The following HEPHL1 variants were observed in gnomAD, a reference collection of about 807,000 sequenced individuals.
The protein encoded by HEPHL1 is hephaestin like 1.
A neutral mutation model predicts 122.0 loss-of-function variants in HEPHL1; 123 were observed. That is an observed-to-expected ratio of 1.01 (90% confidence interval 0.87 to 1.17). The LOEUF (loss-of-function observed/expected upper bound fraction) is 1.17, where lower values mean the gene tolerates loss of function less well. Ranked by LOEUF, HEPHL1 falls within the 50% of genes most tolerant of loss-of-function variation. HEPHL1 has a pLI of 0.00. For synonymous variants in HEPHL1, 527 were observed against 508.9 expected (o/e 1.04, Z -0.48); for missense variants, 1,452 against 1,430.5 (o/e 1.01, Z -0.24).
chr11:94,035,602 T>C (rs1319498181), intron 1 of HEPHL1, among the ~76,000 whole-genome samples: 1 of 152,206 alleles, frequency 6.6e-6, no homozygotes, highest in East Asian at 1.9e-4. Context: ...CATTAACTCG[T>C]CATTTACATT....
At chr11:94,027,558 A>C (rs1945636825) in intron 1 of HEPHL1, among the ~76,000 whole-genome samples, 1 of 152,178 alleles carries the variant, frequency 6.6e-6, no homozygotes, top group African/African-American at 2.4e-5. Context: ...CCACTCTCCC[A>C]GTTGCTGTGT....
chr11:94,083,025 T>C (rs1044969968), intron 10 of HEPHL1, among the ~76,000 whole-genome samples: 2 of 151,400 alleles, frequency 1.3e-5, no homozygotes, highest in Non-Finnish European at 2.9e-5. Flanking sequence ...GAGGTGGAGG[T>C]TGCAGTGAGC....
intron 13 of HEPHL1, among the ~76,000 whole-genome samples, chr11:94,099,045 G>A (rs991030025): frequency 3.9e-5 from 6 of 152,196 alleles, no homozygotes; most frequent in Non-Finnish European, 8.8e-5. Flanking sequence ...GCTTTGTTCT[G>A]TTGCTGGCTA....
At position 94,106,090 on chromosome 11, in the gene HEPHL1, T is replaced by C; in HGVS notation, c.3005T>C (p.Ile1002Thr). 1.9e-6 allele frequency: 3 copies of C among 1,591,900 alleles called. No homozygotes were observed. Among genetic ancestry groups the C allele is most frequent in the South Asian group, 1.1e-5 (1 of 87,156 alleles). ...YLLGIGSEVDIHTIHYHAESF... is the reference protein window; with the variant it reads ...YLLGIGSEVDTHTIHYHAESF... ...TTAGGGATAGGAAGTGAAGTGGACA[T>C]ACATACCATCCATTATCATGCTGAG... The change falls in exon 17 of 20, where the codon ATA (isoleucine) becomes ACA (threonine). Residue 1002 changes from isoleucine to threonine, a missense_variant. Physicochemically the swap from Ile to Thr is moderately conservative, Grantham distance 89 (BLOSUM62 -1). Coordinates refer to ENST00000315765, the MANE Select transcript of HEPHL1 (RefSeq NM_001098672.2).
At position 94,064,303 on chromosome 11, in the gene HEPHL1, T is replaced by A. The variant is rs969955235; in HGVS notation, c.629-28T>A. ...AAGCTCATCTTGATTTAGTTCTTTC[T>A]CTCTACTCTTTTGAATGTGCCTGAC... On this transcript the variant is annotated intron_variant, in intron 3 of 19. Transcript: ENST00000315765. 2.6e-6 allele frequency: 4 copies of A among 1,564,270 alleles called. No homozygotes were observed. The African/African-American group carries it at 5.4e-5, about 21-fold the overall frequency.
intron 10 of HEPHL1, among the ~76,000 whole-genome samples, 176 bp downstream of exon 10, chr11:94,082,744 G>C (rs144472999): frequency 2.6e-3 from 391 of 152,280 alleles, no homozygotes; most frequent in African/African-American, 8.7e-3. Context: ...CTATCTCTCA[G>C]AGATGTGAAA....
At position 94,111,729 on chromosome 11, in the gene HEPHL1, G is replaced by A. The variant is rs1410586560; in HGVS notation, c.3315G>A (p.Lys1105=). 6.2e-7 allele frequency: 1 copy of A among 1,607,398 alleles called. No individual in the cohort carries two copies. The highest frequency in any genetic ancestry group is 1.3e-5 in the African/African-American group (1 of 74,650). ...PGKEQLYFFG[K]NLGPTGAKAA... ...AAGAGCAGCTCTATTTCTTTGGCAAGAATCTGGGTCCAACAGGAGCCAAGG... is the reference window on the plus strand; with the variant it reads ...AAGAGCAGCTCTATTTCTTTGGCAAAAATCTGGGTCCAACAGGAGCCAAGG... The change falls in exon 20 of 20, where the codon AAG becomes AAA. Residue 1105 remains lysine, a synonymous_variant. Transcript: ENST00000315765.
At chr11:94,073,638 G>A (rs997204960) in intron 8 of HEPHL1, among the ~76,000 whole-genome samples, 199 bp downstream of exon 8, 2 of 152,158 alleles carry the variant, frequency 1.3e-5, no homozygotes, top group East Asian at 3.9e-4. Flanking sequence ...GAAAGGGATG[G>A]AGAGAATTTA....
chr11:94,031,312 A>G (rs1242420081), intron 1 of HEPHL1, among the ~76,000 whole-genome samples: 2 of 147,870 alleles, frequency 1.4e-5, no homozygotes, highest in African/African-American at 5.0e-5. Flanking sequence ...TTCTTTGCAT[A>G]TGGGTAAATG....
chr11:94,089,055 C>A, intron 12 of HEPHL1, 87 bp downstream of exon 12: 1 of 1,191,440 alleles, frequency 8.4e-7, no homozygotes, highest in Non-Finnish European at 1.2e-6. Flanking sequence ...TGCAAATTCC[C>A]AGGTTGTGTC....
chr11:94,075,303 A>G lies in HEPHL1; in HGVS notation c.1634A>G (p.Asp545Gly). The change falls in exon 9 of 20, where the codon GAT (aspartate) becomes GGT (glycine). Residue 545 changes from aspartate to glycine, a missense_variant. Asp to Gly is a moderately conservative substitution (Grantham distance 94). Transcript: ENST00000315765. Reference sequence around the variant, plus strand: ...ACCTATCTTTACTTCTCAGCAGTTGATCCAATTAAGGACACCAGCTCTGGC... The same window carrying G: ...ACCTATCTTTACTTCTCAGCAGTTGGTCCAATTAAGGACACCAGCTCTGGC... ...CLTYLYFSAV[D>G]PIKDTSSGLV... The G allele has an allele frequency of 6.2e-7, 1 of 1,613,526 alleles. No homozygotes were observed.
At chr11:94,028,009 C>T (rs1360551496) in intron 1 of HEPHL1, among the ~76,000 whole-genome samples, 1 of 152,040 alleles carries the variant, frequency 6.6e-6, no homozygotes, top group Non-Finnish European at 1.5e-5. Context: ...CCTTCTCAAG[C>T]TCAAACAATA....
rs935606269 is a variant in HEPHL1 at position 94,027,473 on chromosome 11, C to A, written c.170+5935C>A. 2.6e-5 allele frequency among the ~76,000 whole-genome samples: 4 copies of A among 152,316 alleles called. No homozygotes were observed. The South Asian group carries it at 6.2e-4, about 24-fold the overall frequency. On this transcript the variant is annotated intron_variant, in intron 1 of 19. Transcript: ENST00000315765. The stretch of plus-strand genomic sequence containing the variant: ...AGGAGCCCTGGGGGAAAGACCTTGG[C>A]TGGTCACATTTTCCTCTTTTCTAAC...
chr11:94,101,300 G>A lies in HEPHL1; in HGVS notation c.2540G>A (p.Ser847Asn). The stretch of plus-strand genomic sequence containing the variant: ...GCCCAGGGTGTGGAGGAGATGGATA[G>A]TGGAAAGCAATTCCAAGTGCCCATG... ...ISAQGVEEMDSGKQFQVPMTK... is the reference protein window; with the variant it reads ...ISAQGVEEMDNGKQFQVPMTK... Residue 847 changes from serine to asparagine, a missense_variant, in exon 14 of 20, where the codon AGT (serine) becomes AAT (asparagine). Transcript: ENST00000315765. 1 of 1,613,768 alleles carries A rather than the reference G, an allele frequency of 6.2e-7. No individual in the cohort carries two copies. The highest frequency in any genetic ancestry group is 8.5e-7 in the Non-Finnish European group (1 of 1,179,780).
chr11:94,021,377 GA>G lies in HEPHL1; in HGVS notation c.11del (p.Lys4SerfsTer67), dbSNP rs1264774072. MPR[K>X]QPAGCIFLLT... is the part of the protein sequence containing the mutation. ...TTGAGTTACATCCACAAATGCCTCG[GA>G]AGCAGCCAGCTGGCTGCATCTTTCT... is the stretch of plus-strand genomic sequence containing the variant. On this transcript the variant is annotated frameshift_variant, in exon 1 of 20. Coordinates refer to ENST00000315765, the MANE Select transcript of HEPHL1 (RefSeq NM_001098672.2). LOFTEE classifies it high-confidence loss of function. The G allele has an allele frequency of 6.2e-7, 1 of 1,612,046 alleles. No homozygotes were observed. The highest frequency in any genetic ancestry group is 1.1e-5 in the South Asian group (1 of 90,638).
chr11:94,060,053 C>G (rs1325853794), intron 2 of HEPHL1, among the ~76,000 whole-genome samples: 2 of 147,512 alleles, frequency 1.4e-5, no homozygotes. Context: ...GGGCTTTGGA[C>G]AAAGGCAGTG....
intron 12 of HEPHL1, 31 bp from the exon 13 acceptor site, chr11:94,093,470 A>G: frequency 6.2e-7 from 1 of 1,612,050 alleles, no homozygotes; most frequent in South Asian, 1.1e-5. Flanking sequence ...GCTTTCTGAC[A>G]ACTTTAATTT....
chr11:94,073,526 T>A, intron 8 of HEPHL1, 87 bp downstream of exon 8: 1 of 1,332,536 alleles, frequency 7.5e-7, no homozygotes, highest in Non-Finnish European at 1.0e-6. Context: ...ATCCTGGTCC[T>A]TTCCATTACC....
At position 94,069,847 on chromosome 11, in the gene HEPHL1, T is replaced by C. The variant is rs185401538; in HGVS notation, c.1064-527T>C. ...ATTTCTGGGTCAAAGAGTATGATTT[T>C]TTTAAAAAAGCTATGGACATACATT... On this transcript the variant is annotated intron_variant, in intron 5 of 19. Coordinates refer to ENST00000315765, the MANE Select transcript of HEPHL1 (RefSeq NM_001098672.2). Among the ~76,000 whole-genome samples, 390 of 152,318 alleles carry C rather than the reference T, an allele frequency of 2.6e-3. 3 individuals are homozygous for C. Among genetic ancestry groups the C allele is most frequent in the African/African-American group, 9.2e-3 (382 of 41,582 alleles).
Sources: allele counts gnomAD v4.1 joint callset (sites outside exome capture counted in the v4.1 genomes callset), GRCh38; gene constraint gnomAD v4.1.1; transcripts MANE v1.5; gene names NCBI Gene and HGNC (gene_info 2026-07-23, HGNC 2026-07-21).